Variants in SMCR8 observed in about 807,000 individuals in gnomAD.
The protein encoded by SMCR8 is guanine nucleotide exchange protein SMCR8.
SMCR8 carries 30 observed loss-of-function variants against 56.6 expected under a neutral mutation model. The ratio of observed to expected loss-of-function variants is 0.53; its 90% CI spans 0.40 to 0.72. The LOEUF is 0.72. SMCR8 is among the 30% of genes least tolerant of loss of function. SMCR8 has a pLI of 0.00. For synonymous variants in SMCR8, 538 were observed against 456.0 expected (o/e 1.18, Z -2.29); for missense variants, 1,198 against 1,157.0 (o/e 1.04, Z -0.51).
At position 18,317,019 on chromosome 17, in the gene SMCR8, A is replaced by G. The variant is rs1271077762; in HGVS notation, c.1230A>G (p.Lys410=). 4.3e-6 allele frequency: 7 copies of G among 1,614,142 alleles called. No individual in the cohort carries two copies. The highest frequency in any genetic ancestry group is 5.9e-6 in the Non-Finnish European group (7 of 1,180,030). Residue 410 remains lysine, a synonymous_variant, in exon 1 of 2, where the codon AAA becomes AAG. Transcript: ENST00000406438. ...CTCTAGAAGAATGCCCAATTCCTAA[A>G]GTGTTAATTAGTGTTGGTTCTTACA... ...SSSLEECPIP[K]VLISVGSYKS... is the part of the protein sequence containing the mutation.
intron 1 of SMCR8, among the ~76,000 whole-genome samples, chr17:18,319,001 C>T (rs1422661707): frequency 6.6e-6 from 1 of 152,178 alleles, no homozygotes; most frequent in Non-Finnish European, 1.5e-5. Context: ...GTGTGGGGAG[C>T]CCTGCACCCT....
At chr17:18,318,192 G>A (rs1215650537) in intron 1 of SMCR8, 43 bp downstream of exon 1, 2 of 1,565,992 alleles carry the variant, frequency 1.3e-6, no homozygotes, top group East Asian at 4.5e-5. Flanking sequence ...GGCCAGATAG[G>A]GATGAGGTAT....
Position 18,317,803 on chromosome 17 carries a change from T to C in SMCR8, c.2014T>C (p.Ser672Pro). The change falls in exon 1 of 2, where the codon TCA becomes CCA. Residue 672 changes from serine (S) to proline (P), a missense_variant. By Grantham distance (74) the Ser-to-Pro change is moderately conservative. Coordinates refer to ENST00000406438, the MANE Select transcript of SMCR8 (RefSeq NM_144775.3). ...DISKTSLDNY[S>P]DTTSYVSSVA... is the part of the protein sequence containing the mutation. ...CAGTAAGACCAGCCTGGACAACTAC[T>C]CAGACACCACCAGCTACGTGAGCAG... 6.2e-7 allele frequency: 1 copy of C among 1,614,104 alleles called. No homozygotes were observed. Among genetic ancestry groups the C allele is most frequent in the Non-Finnish European group, 8.5e-7 (1 of 1,180,000 alleles).
rs1235752471 is a variant in SMCR8 at position 18,317,633 on chromosome 17, C to T, written c.1844C>T (p.Pro615Leu). 2 of 1,614,134 alleles carry T rather than the reference C, an allele frequency of 1.2e-6. No homozygotes were observed. The highest frequency in any genetic ancestry group is 1.7e-5 in the Admixed American group (1 of 60,012). Residue 615 changes from proline to leucine, a missense_variant, in exon 1 of 2, where the codon CCC becomes CTC. By Grantham distance (98) the Pro-to-Leu change is moderately conservative. Coordinates refer to ENST00000406438, the MANE Select transcript of SMCR8 (RefSeq NM_144775.3). ...GACGAGGATGGGGTGGTGAGCAGCC[C>T]CCCACAGCGCCACAGGCAGAAGGAC... ...HSDEDGVVSS[P>L]PQRHRQKDQG... is the part of the protein sequence containing the mutation.
At chr17:18,321,603 G>A (rs1982499650) in intron 1 of SMCR8, among the ~76,000 whole-genome samples, 1 of 152,230 alleles carries the variant, frequency 6.6e-6, no homozygotes, top group Non-Finnish European at 1.5e-5. Context: ...TCTTTGGGAG[G>A]CCAAGGCAGG....
In SMCR8 at chr17:18,327,755, T is replaced by C. The variant is rs1055695407; in HGVS notation, c.*4685T>C. On this transcript the variant is annotated 3_prime_UTR_variant, in exon 2 of 2. Transcript: ENST00000406438. Reference sequence around the variant, plus strand: ...TGTGAGTCCCCGCCACCACGTGAGGTGCAGTCGTTGCAGCGGCTGGTGCAG... The same window carrying C: ...TGTGAGTCCCCGCCACCACGTGAGGCGCAGTCGTTGCAGCGGCTGGTGCAG... The C allele has an allele frequency of 3.3e-5, 5 of 152,596 alleles. No homozygotes were observed. The highest frequency in any genetic ancestry group is 7.3e-5 in the Non-Finnish European group (5 of 68,044). The allele number at this position is 152,596 out of a possible 1,614,324, so 9.5% of individuals were successfully genotyped here.
In SMCR8 at chr17:18,322,755, C is replaced by T; in HGVS notation, c.2499C>T (p.His833=). 6.2e-7 allele frequency: 1 copy of T among 1,614,234 alleles called. No individual in the cohort carries two copies. The highest frequency in any genetic ancestry group is 1.3e-5 in the African/African-American group (1 of 75,062). Residue 833 remains histidine (H), a synonymous_variant, in exon 2 of 2, where the codon CAC becomes CAT. Transcript: ENST00000406438. The part of the protein sequence containing the change: ...RGTLVPRLAD[H]RTQIKRGSTY... ...CCCTGGTGCCCCGCCTGGCAGACCACCGCACACAGATCAAGCGGGGCAGCA... is the reference window on the plus strand; with the variant it reads ...CCCTGGTGCCCCGCCTGGCAGACCATCGCACACAGATCAAGCGGGGCAGCA...
chr17:18,315,615 G>A lies in SMCR8; in HGVS notation c.-175G>A. 1.7e-6 allele frequency: 1 copy of A among 601,268 alleles called. No individual in the cohort carries two copies. Among genetic ancestry groups the A allele is most frequent in the Admixed American group, 3.0e-5 (1 of 33,040 alleles). 37.2% of individuals were successfully genotyped at this position (601,268 alleles called of 1,614,324 possible). A position where few individuals can be genotyped will look rare whatever the true frequency, so the allele number is the denominator to read the frequency against. On this transcript the variant is annotated 5_prime_UTR_variant, in exon 1 of 2. Transcript: ENST00000406438. The stretch of plus-strand genomic sequence containing the variant: ...GAGGAGCTACAACTGTGAGGGGGCT[G>A]CTAGAGTTCTTCTCCTCGGGTGTGT...
rs532450195 is a variant in SMCR8, at chr17:18,319,146, G to A, written c.2360+997G>A. Among the ~76,000 whole-genome samples the A allele has an allele frequency of 2.0e-5, 3 of 152,330 alleles. No homozygotes were observed. In the East Asian group the frequency reaches 5.8e-4, roughly 29 times the overall value. On this transcript the variant is annotated intron_variant, in intron 1 of 1. Transcript: ENST00000406438. ...CTGTTGTGGGCTGTGGCAGTTAGCG[G>A]GAGCAGTGGGTGGTCTGGGTCAAGT...
intron 1 of SMCR8, among the ~76,000 whole-genome samples, chr17:18,318,546 G>A (rs1982404386): frequency 6.6e-6 from 1 of 152,130 alleles, no homozygotes. Flanking sequence ...TGGGATTACA[G>A]GCGCCTGCCA....
chr17:18,324,254 A>G lies in SMCR8; in HGVS notation c.*1184A>G, dbSNP rs771032023. 3 of 152,216 alleles carry G rather than the reference A, an allele frequency of 2.0e-5. No individual in the cohort carries two copies. The highest frequency in any genetic ancestry group is 4.4e-5 in the Non-Finnish European group (3 of 68,062). The allele number at this position is 152,216 out of a possible 1,614,324, so 9.4% of individuals were successfully genotyped here. A position where few individuals can be genotyped will look rare whatever the true frequency, so the allele number is the denominator to read the frequency against. On this transcript the variant is annotated 3_prime_UTR_variant, in exon 2 of 2. Coordinates refer to ENST00000406438, the MANE Select transcript of SMCR8 (RefSeq NM_144775.3). ...GGAGGCTGTGTGCACCTCAGTCACC[A>G]CAGCTCACGGCCGTCCCCAGTTGAG...
At position 18,327,269 on chromosome 17, in the gene SMCR8, G is replaced by C. The variant is rs1345777538; in HGVS notation, c.*4199G>C. 1 of 152,278 alleles carries C rather than the reference G, an allele frequency of 6.6e-6. No individual in the cohort carries two copies. The highest frequency in any genetic ancestry group is 1.5e-5 in the Non-Finnish European group (1 of 68,126). The allele number at this position is 152,278 out of a possible 1,614,324, so 9.4% of individuals were successfully genotyped here. A position where few individuals can be genotyped will look rare whatever the true frequency, so the allele number is the denominator to read the frequency against. On this transcript the variant is annotated 3_prime_UTR_variant, in exon 2 of 2. Coordinates refer to ENST00000406438, the MANE Select transcript of SMCR8 (RefSeq NM_144775.3). ...AGGAGGCAGGGGTGGATGGGGGTGT[G>C]GGGAGGGGATGAGCACTCTGCAGCC...
rs2142993368 is a variant in SMCR8 at position 18,316,683 on chromosome 17, C to T, written c.894C>T (p.Cys298=). 2 of 1,614,116 alleles carry T rather than the reference C, an allele frequency of 1.2e-6. No individual in the cohort carries two copies. Among genetic ancestry groups the T allele is most frequent in the East Asian group, 4.5e-5 (2 of 44,892 alleles). The change falls in exon 1 of 2, where the codon TGC becomes TGT. Residue 298 remains cysteine, a synonymous_variant. Coordinates refer to ENST00000406438, the MANE Select transcript of SMCR8 (RefSeq NM_144775.3). ...DESADTDLYT[C]RPAYTPKLIK... ...CTGCCGACACAGACCTTTACACCTG[C>T]AGACCAGCCTACACCCCAAAACTTA...
Position 18,315,907 on chromosome 17 carries a change from C to T in SMCR8, c.118C>T (p.Gln40Ter). 1 of 1,614,202 alleles carries T rather than the reference C, an allele frequency of 6.2e-7. No individual in the cohort carries two copies. The highest frequency in any genetic ancestry group is 8.5e-7 in the Non-Finnish European group (1 of 1,180,044). Residue 40 changes from glutamine to a stop codon, truncating the protein, a stop_gained, in exon 1 of 2, where the codon CAG becomes TAG. Coordinates refer to ENST00000406438, the MANE Select transcript of SMCR8 (RefSeq NM_144775.3). LOFTEE classifies it high-confidence loss of function. ...YSVPLFPFAS[Q>*]GANPWSKLSG... is the part of the protein sequence containing the mutation. ...GGTGCCGCTCTTCCCCTTCGCCAGTCAGGGTGCTAACCCCTGGTCAAAACT... is the reference window on the plus strand; with the variant it reads ...GGTGCCGCTCTTCCCCTTCGCCAGTTAGGGTGCTAACCCCTGGTCAAAACT...
rs1443911667 is a variant in SMCR8 at position 18,322,688 on chromosome 17, A to T, written c.2432A>T (p.Asp811Val). Residue 811 changes from aspartate (D) to valine (V), a missense_variant, in exon 2 of 2, where the codon GAC becomes GTC. Asp to Val is a radical substitution (Grantham distance 152, BLOSUM62 -3). Coordinates refer to ENST00000406438, the MANE Select transcript of SMCR8 (RefSeq NM_144775.3). ...TACAGCCGCTACACGAGCATCCTGG[A>T]CCTTGACAACAAAACCCTGCGCTGC... ...SRYSRYTSIL[D>V]LDNKTLRCPL... The T allele has an allele frequency of 6.2e-7, 1 of 1,614,150 alleles. No individual in the cohort carries two copies. Among genetic ancestry groups the T allele is most frequent in the Admixed American group, 1.7e-5 (1 of 60,022 alleles).
rs752844563 is a variant in SMCR8 at position 18,323,010 on chromosome 17, A to G, written c.2754A>G (p.Pro918=). The G allele has an allele frequency of 1.2e-6, 2 of 1,614,186 alleles. No individual in the cohort carries two copies. The highest frequency in any genetic ancestry group is 1.7e-6 in the Non-Finnish European group (2 of 1,180,022). ...LLKLHYMQES[P]GTSHPMLRFD... ...AGCTGCACTACATGCAGGAATCTCCAGGGACCAGCCACCCCATGCTCAGGT... is the reference window on the plus strand; with the variant it reads ...AGCTGCACTACATGCAGGAATCTCCGGGGACCAGCCACCCCATGCTCAGGT... The change falls in exon 2 of 2, where the codon CCA becomes CCG. Residue 918 remains proline (P), a synonymous_variant. Coordinates refer to ENST00000406438, the MANE Select transcript of SMCR8 (RefSeq NM_144775.3).
intron 1 of SMCR8, among the ~76,000 whole-genome samples, chr17:18,320,508 G>C (rs112992326): frequency 0.035 from 5,379 of 152,328 alleles, 136 homozygotes; most frequent in Non-Finnish European, 0.052. Flanking sequence ...TGGGTGCCCT[G>C]TGGCGGCAGC....
At position 18,323,388 on chromosome 17, in the gene SMCR8, G is replaced by C. The variant is rs79257979; in HGVS notation, c.*318G>C. On this transcript the variant is annotated 3_prime_UTR_variant, in exon 2 of 2. Transcript: ENST00000406438. ...GGGAAGCCACCAGTCCCTTGGTGGG[G>C]CAGGGTGAGGGCAGGAAGGCCAAAG... The C allele has an allele frequency of 0.11, 38,027 of 341,160 alleles. 2,467 individuals carry two copies. The highest frequency in any genetic ancestry group is 0.17 in the East Asian group (3,131 of 18,302). 21.1% of individuals were successfully genotyped at this position (341,160 alleles called of 1,614,324 possible).
chr17:18,315,934 T>TCC lies in SMCR8; in HGVS notation c.146_147dup (p.Gly50ProfsTer25). 1.2e-6 allele frequency: 2 copies of TCC among 1,614,180 alleles called. No individual in the cohort carries two copies. Among genetic ancestry groups the TCC allele is most frequent in the Non-Finnish European group, 1.7e-6 (2 of 1,180,032 alleles). The stretch of plus-strand genomic sequence containing the variant: ...GGGTGCTAACCCCTGGTCAAAACTG[T>TCC]CCGGGGCCAAGTTTTCGAGGGACTT... On this transcript the variant is annotated frameshift_variant, in exon 1 of 2. Coordinates refer to ENST00000406438, the MANE Select transcript of SMCR8 (RefSeq NM_144775.3). LOFTEE classifies it high-confidence loss of function.
Sources: gnomAD v4.1 joint callset for allele counts (sites outside exome capture counted in the v4.1 genomes callset) on GRCh38, gnomAD v4.1.1 for gene constraint, MANE v1.5 for transcripts, NCBI Gene and HGNC (gene_info 2026-07-23, HGNC 2026-07-21) for gene names.